Variants in COP1 observed in about 807,000 individuals in gnomAD.
COP1 encodes E3 ubiquitin-protein ligase COP1.
COP1 carries 24 observed loss-of-function variants against 101.3 expected under a neutral mutation model. That is an observed-to-expected ratio of 0.24 (90% CI 0.17 to 0.33). The LOEUF is 0.33. Among genes scored for constraint, COP1 ranks in the 10% least tolerant of loss-of-function variants. The probability of loss-of-function intolerance (pLI) is 1.00; values close to 1 mark genes in which losing one functional copy is unlikely to be tolerated. For missense variants in COP1, 663 were observed against 906.2 expected, an observed-to-expected ratio of 0.73 and a Z score of 3.45; for synonymous variants, 347 against 341.9, an observed-to-expected ratio of 1.01 and a Z score of -0.17.
chr1:176,073,508 TTC>T (rs1677381357), intron 11 of COP1, among the ~76,000 whole-genome samples: 2 of 152,240 alleles, frequency 1.3e-5, no homozygotes, highest in African/African-American at 2.4e-5. Flanking sequence ...TTCAAACTAT[TTC>T]TCTCTGGTGG....
At chr1:176,063,650 T>C (rs1675382127) in intron 11 of COP1, among the ~76,000 whole-genome samples, 1 of 152,176 alleles carries the variant, frequency 6.6e-6, no homozygotes, top group Non-Finnish European at 1.5e-5. Flanking sequence ...TCATTAGTGG[T>C]AGAAAAACAG....
At chr1:176,051,452 T>C (rs1295108973) in intron 11 of COP1, among the ~76,000 whole-genome samples, 3 of 152,216 alleles carry the variant, frequency 2.0e-5, no homozygotes, top group Non-Finnish European at 4.4e-5. Context: ...ATGCTGCCAG[T>C]TGTATAAAAG....
At position 176,152,668 on chromosome 1, in the gene COP1, G is replaced by A. The variant is rs533718974; in HGVS notation, c.763-3594C>T. On this transcript the variant is annotated intron_variant, in intron 5 of 19. Transcript: ENST00000367669. Reference sequence around the variant, plus strand: ...TCACCATGTTGGCCAGGCTGGTCTCGAACTCCTAAGTGATCTGCCTTCCTG... The same window carrying A: ...TCACCATGTTGGCCAGGCTGGTCTCAAACTCCTAAGTGATCTGCCTTCCTG... Among the ~76,000 whole-genome samples the A allele has an allele frequency of 9.3e-4, 142 of 152,084 alleles. 1 individual carries two copies. The South Asian group carries it at 0.027, about 29-fold the overall frequency.
chr1:175,981,081 A>G lies in COP1; in HGVS notation c.2133+5862T>C, dbSNP rs118141430. Among the ~76,000 whole-genome samples the G allele has an allele frequency of 1.1e-3, 162 of 152,252 alleles. 2 individuals carry two copies. The East Asian group carries it at 0.026, about 24-fold the overall frequency. ...CTAACTCCAGTCTCTAGATAAATCAATGTTAATAAAAAAGATAAGACTTTC... is the reference window on the plus strand; with the variant it reads ...CTAACTCCAGTCTCTAGATAAATCAGTGTTAATAAAAAAGATAAGACTTTC... On this transcript the variant is annotated intron_variant, in intron 18 of 19. Coordinates refer to ENST00000367669, the MANE Select transcript of COP1 (RefSeq NM_022457.7).
chr1:175,989,337 A>C (rs1474464233), intron 16 of COP1, 25 bp downstream of exon 16: 1 of 1,215,178 alleles, frequency 8.2e-7, no homozygotes, highest in African/African-American at 1.5e-5. Context: ...TATTAAGCTC[A>C]ACCTCTGAGG....
intron 9 of COP1, among the ~76,000 whole-genome samples, chr1:176,102,524 C>G (rs1683591258): frequency 1.3e-5 from 2 of 152,202 alleles, no homozygotes; most frequent in Non-Finnish European, 1.5e-5. Flanking sequence ...TGCTTCTAAC[C>G]TCCAAGCTGT....
intron 11 of COP1, among the ~76,000 whole-genome samples, chr1:176,050,810 G>A (rs1222012406): frequency 6.6e-6 from 1 of 152,040 alleles, no homozygotes; most frequent in Non-Finnish European, 1.5e-5. Context: ...AGAAACTGAG[G>A]TATACTAATG....
At chr1:176,139,579 G>A (rs144741725) in intron 6 of COP1, among the ~76,000 whole-genome samples, 167 of 152,184 alleles carry the variant, frequency 1.1e-3, no homozygotes, top group African/African-American at 3.7e-3. Context: ...GCCCATCAAC[G>A]GTGGACTCAA....
intron 1 of COP1, among the ~76,000 whole-genome samples, chr1:176,189,771 T>A (rs1436688359): frequency 1.3e-5 from 2 of 151,088 alleles, no homozygotes; most frequent in African/African-American, 4.9e-5. Context: ...CTAGAAACAA[T>A]GAAAGCAAGC....
At chr1:176,042,600 A>G (rs1670802367) in intron 14 of COP1, among the ~76,000 whole-genome samples, 1 of 148,806 alleles carries the variant, frequency 6.7e-6, no homozygotes, top group Non-Finnish European at 1.5e-5. Flanking sequence ...GTGTGGTGGT[A>G]CACACCTATA....
intron 18 of COP1, among the ~76,000 whole-genome samples, chr1:175,966,885 C>T (rs1271199213): frequency 6.6e-6 from 1 of 152,116 alleles, no homozygotes; most frequent in Non-Finnish European, 1.5e-5. Context: ...ACATACATGG[C>T]ATTGACAGGC....
At chr1:176,125,569 G>A (rs1297856651) in intron 8 of COP1, among the ~76,000 whole-genome samples, 2 of 152,044 alleles carry the variant, frequency 1.3e-5, no homozygotes, top group Admixed American at 6.6e-5. Flanking sequence ...TCCTCTATTC[G>A]GTTCCATTGG....
intron 14 of COP1, among the ~76,000 whole-genome samples, chr1:176,034,729 C>T (rs1470659839): frequency 6.6e-6 from 1 of 152,206 alleles, no homozygotes; most frequent in Non-Finnish European, 1.5e-5. Flanking sequence ...CAAAGCAGAG[C>T]AGCAAATGCT....
chr1:176,064,222 G>T (rs972510043), intron 11 of COP1, among the ~76,000 whole-genome samples: 5 of 151,970 alleles, frequency 3.3e-5, no homozygotes, highest in Admixed American at 1.3e-4. Flanking sequence ...CCAATGTAAA[G>T]TTTGAAAACT....
intron 9 of COP1, among the ~76,000 whole-genome samples, chr1:176,111,592 C>G (rs886637968): frequency 6.6e-6 from 1 of 152,058 alleles, no homozygotes; most frequent in African/African-American, 2.4e-5. Context: ...CACACCCAGC[C>G]CCTAAGTATT....
At chr1:176,098,435 A>G (rs1682809988) in intron 9 of COP1, among the ~76,000 whole-genome samples, 1 of 152,206 alleles carries the variant, frequency 6.6e-6, no homozygotes, top group Admixed American at 6.5e-5. Flanking sequence ...GATAAGATAA[A>G]GCTAAAAGTT....
intron 18 of COP1, among the ~76,000 whole-genome samples, chr1:175,985,648 T>C (rs137899056): frequency 3.3e-5 from 5 of 152,332 alleles, no homozygotes; most frequent in Non-Finnish European, 7.3e-5. Context: ...AGGGGAAAAG[T>C]AGATTCAAAA....
At position 176,038,064 on chromosome 1, in the gene COP1, T is replaced by C. The variant is rs114090236; in HGVS notation, c.1612+5122A>G. Among the ~76,000 whole-genome samples the C allele has an allele frequency of 8.8e-3, 1,346 of 152,346 alleles. 22 individuals are homozygous for C. The highest frequency in any genetic ancestry group is 0.03 in the African/African-American group (1,256 of 41,588). On this transcript the variant is annotated intron_variant, in intron 14 of 19. Coordinates refer to ENST00000367669, the MANE Select transcript of COP1 (RefSeq NM_022457.7). Reference sequence around the variant, plus strand: ...TCCCAAGGAATCTGAAAAAGTAATCTATACCTACAGTGACTTTAGCAAGTA... The same window carrying C: ...TCCCAAGGAATCTGAAAAAGTAATCCATACCTACAGTGACTTTAGCAAGTA...
rs537731620 is a variant in COP1 at position 176,207,137 on chromosome 1, G to A, written c.-159C>T. 1.1e-3 allele frequency: 570 copies of A among 511,494 alleles called. 4 individuals are homozygous for A. Among genetic ancestry groups the A allele is most frequent in the African/African-American group, 0.01 (513 of 50,018 alleles). The allele number at this position is 511,494 out of a possible 1,614,324, so 31.7% of individuals were successfully genotyped here. ...TAAAGTTGCGTTTTTTTTTAAGGCA[G>A]CCACACAACAGCGTCCCACGGGAGG... On this transcript the variant is annotated 5_prime_UTR_variant, in exon 1 of 20. Transcript: ENST00000367669.
Sources: gnomAD v4.1 joint callset for allele counts (sites outside exome capture counted in the v4.1 genomes callset) on GRCh38, gnomAD v4.1.1 for gene constraint, MANE v1.5 for transcripts, NCBI Gene and HGNC (gene_info 2026-07-23, HGNC 2026-07-21) for gene names.